Variants in CSMD3 observed in about 807,000 individuals in gnomAD.
CSMD3 encodes the protein CUB and Sushi multiple domains 3, also known as CUB and sushi domain-containing protein 3.
A neutral mutation model predicts 435.2 loss-of-function variants in CSMD3; 177 were observed. The ratio of observed to expected loss-of-function variants is 0.41; its 90% CI spans 0.36 to 0.46. The LOEUF (loss-of-function observed/expected upper bound fraction) is 0.46, where lower values mean the gene tolerates loss of function less well. Among genes scored for constraint, CSMD3 ranks in the 20% least tolerant of loss-of-function variants. The pLI is 0.34. For synonymous variants in CSMD3, 1,656 were observed against 1,520.5 expected, an observed-to-expected ratio of 1.09 and a Z score of -2.07; for missense variants, 4,265 against 4,504.6, an observed-to-expected ratio of 0.95 and a Z score of 1.52.
intron 1 of CSMD3, among the ~76,000 whole-genome samples, chr8:113,333,373 T>C (rs565446618): frequency 4.6e-5 from 7 of 151,830 alleles, no homozygotes; most frequent in Non-Finnish European, 8.9e-5. Context: ...ATTTTAAACA[T>C]TTTTTGTATC....
intron 6 of CSMD3, among the ~76,000 whole-genome samples, chr8:113,001,527 T>A (rs1372517735): frequency 6.6e-6 from 1 of 152,088 alleles, no homozygotes; most frequent in Non-Finnish European, 1.5e-5. Flanking sequence ...GATAATATGT[T>A]CCCTGGCTAT....
chr8:112,954,166 G>A lies in CSMD3; in HGVS notation c.1420+518C>T, dbSNP rs146092693. ...GGCCATTTTTAAAGATTTTCAAGAA[G>A]TGAATAGCAATAATTAATCAATCAT... is the stretch of plus-strand genomic sequence containing the variant. On this transcript the variant is annotated intron_variant, in intron 8 of 70. Transcript: ENST00000297405. Among the ~76,000 whole-genome samples the A allele has an allele frequency of 3.6e-4, 54 of 151,562 alleles. 2 individuals are homozygous for A. The East Asian group carries it at 0.01, about 29-fold the overall frequency.
chr8:112,534,104 A>C (rs953171110), intron 27 of CSMD3, among the ~76,000 whole-genome samples: 2 of 152,152 alleles, frequency 1.3e-5, no homozygotes, highest in Non-Finnish European at 2.9e-5. Context: ...TAACATCACA[A>C]TTAAAAGAAC....
At chr8:113,199,079 CAT>C (rs977628719) in intron 3 of CSMD3, among the ~76,000 whole-genome samples, 6 of 149,056 alleles carry the variant, frequency 4.0e-5, no homozygotes, top group East Asian at 2.0e-4. Flanking sequence ...TAAAATTAAA[CAT>C]ATATTTAACT....
chr8:112,566,806 A>G (rs1829098713), intron 24 of CSMD3, among the ~76,000 whole-genome samples: 1 of 152,110 alleles, frequency 6.6e-6, no homozygotes, highest in Non-Finnish European at 1.5e-5. Flanking sequence ...TTTGCAAAAT[A>G]AGATTAGGGT....
chr8:113,276,005 A>G (rs574947791), intron 3 of CSMD3, among the ~76,000 whole-genome samples: 1 of 152,174 alleles, frequency 6.6e-6, no homozygotes, highest in East Asian at 1.9e-4. Flanking sequence ...CAGATTTTGT[A>G]ATTCCAAGAT....
At chr8:113,376,898 A>G (rs1428050460) in intron 1 of CSMD3, 2 of 1,601,636 alleles carry the variant, frequency 1.2e-6, no homozygotes, top group African/African-American at 2.7e-5. Flanking sequence ...GGCCGGGAAA[A>G]CAAAACAGCC....
At chr8:113,238,986 A>G (rs1248238416) in intron 3 of CSMD3, among the ~76,000 whole-genome samples, 1 of 152,178 alleles carries the variant, frequency 6.6e-6, no homozygotes, top group Non-Finnish European at 1.5e-5. Flanking sequence ...CACACAAAGC[A>G]GGTTGCCCTC....
At chr8:112,502,317 G>A (rs1475020599) in intron 30 of CSMD3, among the ~76,000 whole-genome samples, 1 of 152,164 alleles carries the variant, frequency 6.6e-6, no homozygotes, top group East Asian at 1.9e-4. Context: ...AAACCTCACT[G>A]TCTGTGCCAA....
intron 38 of CSMD3, among the ~76,000 whole-genome samples, chr8:112,359,998 C>T (rs1382914267): frequency 3.9e-5 from 6 of 151,938 alleles, no homozygotes; most frequent in African/African-American, 4.8e-5. Flanking sequence ...ACTTAATACC[C>T]GTTGATAAGC....
intron 42 of CSMD3, among the ~76,000 whole-genome samples, chr8:112,340,268 G>A (rs1284975228): frequency 1.3e-5 from 2 of 152,168 alleles, no homozygotes; most frequent in East Asian, 1.9e-4. Flanking sequence ...TTCCTTGCAA[G>A]CATGGTTAAT....
chr8:113,252,145 A>G (rs1406396226), intron 3 of CSMD3, among the ~76,000 whole-genome samples: 1 of 152,090 alleles, frequency 6.6e-6, no homozygotes, highest in Non-Finnish European at 1.5e-5. Flanking sequence ...CAAGTCTTCT[A>G]CTATTTATGA....
intron 4 of CSMD3, among the ~76,000 whole-genome samples, chr8:113,113,204 T>C (rs1285658340): frequency 1.3e-5 from 2 of 152,196 alleles, no homozygotes; most frequent in Non-Finnish European, 2.9e-5. Context: ...TATTTTGTTT[T>C]AGTTTTATTT....
intron 4 of CSMD3, among the ~76,000 whole-genome samples, chr8:113,126,549 A>G (rs574955496): frequency 3.4e-4 from 52 of 152,120 alleles, no homozygotes; most frequent in African/African-American, 1.2e-3. Flanking sequence ...GACATTAATA[A>G]AGGCAATTTT....
intron 22 of CSMD3, among the ~76,000 whole-genome samples, chr8:112,595,011 T>A (rs925188955): frequency 6.6e-6 from 1 of 152,166 alleles, no homozygotes; most frequent in African/African-American, 2.4e-5. Context: ...CAAAGCTGAA[T>A]GGAGAATGAC....
intron 32 of CSMD3, among the ~76,000 whole-genome samples, chr8:112,450,665 C>CT (rs999251140): frequency 1.1e-3 from 166 of 152,224 alleles, no homozygotes; most frequent in African/African-American, 3.8e-3. Context: ...TATGGAATGT[C>CT]TTTTTTCTCA....
chr8:113,004,612 T>G (rs952404727), intron 6 of CSMD3, among the ~76,000 whole-genome samples: 1 of 151,914 alleles, frequency 6.6e-6, no homozygotes, highest in African/African-American at 2.4e-5. Flanking sequence ...GAGCGCAAGA[T>G]TTAGGGAGTG....
At chr8:112,949,685 C>A (rs2083741568) in intron 8 of CSMD3, among the ~76,000 whole-genome samples, 1 of 152,020 alleles carries the variant, frequency 6.6e-6, no homozygotes, top group Admixed American at 6.6e-5. Context: ...TACAATACAT[C>A]TTGAATACCA....
intron 22 of CSMD3, among the ~76,000 whole-genome samples, chr8:112,633,650 C>T (rs761083609): frequency 9.2e-5 from 14 of 151,962 alleles, no homozygotes; most frequent in Admixed American, 6.6e-5. Context: ...CCTCATTCAA[C>T]ATCCAGAATA....
Sources: gnomAD v4.1 joint callset for allele counts (sites outside exome capture counted in the v4.1 genomes callset) on GRCh38, gnomAD v4.1.1 for gene constraint, MANE v1.5 for transcripts, NCBI Gene and HGNC (gene_info 2026-07-23, HGNC 2026-07-21) for gene names.